Variants in XIST observed in about 807,000 individuals in gnomAD.
XIST encodes X inactive specific transcript, also known as X inactive specific transcript (non-protein coding).
chrX:73,823,448 A>G (rs1396581041), exon 6 of XIST: 7 of 512,659 alleles, frequency 1.4e-5, no homozygotes, highest in African/African-American at 4.7e-5. Flanking sequence ...ATGTTCTTCT[A>G]TCTTCAGCTG....
exon 1 of XIST, chrX:73,852,004 G>C (rs1294563627): frequency 1.8e-6 from 1 of 555,877 alleles, no homozygotes; most frequent in Non-Finnish European, 3.2e-6. Context: ...AGCACCGATG[G>C]GCGATGAAAA....
rs1248552997 is a variant in XIST, at chrX:73,849,294, G to A, written n.3430C>T. The A allele has an allele frequency of 5.4e-6, 3 of 557,505 alleles. No homozygotes were observed. The African/African-American group carries it at 6.7e-5, about 12-fold the overall frequency. The allele number at this position is 557,505 out of a possible 1,213,427, so 45.9% of individuals were successfully genotyped here. A position where few individuals can be genotyped will look rare whatever the true frequency, so the allele number is the denominator to read the frequency against. Reference sequence around the variant, plus strand: ...GCAAAGCTATGACAATTGGGACTGAGCATTTTAACTGTCCAACAAAAGACG... The same window carrying A: ...GCAAAGCTATGACAATTGGGACTGAACATTTTAACTGTCCAACAAAAGACG... On this transcript the variant is annotated non_coding_transcript_exon_variant, in exon 1 of 6. Coordinates refer to ENST00000429829, the Ensembl canonical transcript of XIST.
intron 4 of XIST, among the ~76,000 whole-genome samples, chrX:73,830,770 G>C (rs1266594416): frequency 1.8e-5 from 2 of 111,825 alleles, no homozygotes; most frequent in Non-Finnish European, 3.8e-5. Flanking sequence ...TGTCACTGAT[G>C]TGACAGTTGT....
exon 1 of XIST, chrX:73,842,134 T>C (rs1239375110): frequency 3.8e-6 from 2 of 521,983 alleles, no homozygotes; most frequent in East Asian, 3.5e-5. Context: ...ATGACCAGGT[T>C]ATCGAGTCCA....
exon 1 of XIST, chrX:73,844,517 G>A: frequency 1.8e-6 from 1 of 559,179 alleles, no homozygotes; most frequent in Non-Finnish European, 3.2e-6. Flanking sequence ...GCCATGTGCA[G>A]TTATGCACAT....
chrX:73,843,242 G>T, exon 1 of XIST: 1 of 558,714 alleles, frequency 1.8e-6, no homozygotes, highest in Non-Finnish European at 3.2e-6. Context: ...TCTACCAGAA[G>T]GAGACATATA....
At chrX:73,831,377 T>C (rs149944307) in intron 3 of XIST, 580 of 429,993 alleles carry the variant, frequency 1.3e-3, no homozygotes, top group Non-Finnish European at 2.0e-3. Context: ...TACCCTTTTC[T>C]TCATGTGGAT....
In XIST at chrX:73,848,049, G is replaced by A. The variant is rs770001096; in HGVS notation, n.4675C>T. 3 of 557,695 alleles carry A rather than the reference G, an allele frequency of 5.4e-6. No homozygotes were observed. In the African/African-American group the frequency reaches 6.7e-5, roughly 12 times the overall value. 46.0% of individuals were successfully genotyped at this position (557,695 alleles called of 1,213,427 possible). On this transcript the variant is annotated non_coding_transcript_exon_variant, in exon 1 of 6. Coordinates refer to ENST00000429829, the Ensembl canonical transcript of XIST. The stretch of plus-strand genomic sequence containing the variant: ...ACTAGGGAAGTGAGTGGGGTCTTTA[G>A]TGCACAGGAAGAGGGACAAATGCAA...
At chrX:73,843,460 T>C (rs1451724968) in exon 1 of XIST, 5 of 556,324 alleles carry the variant, frequency 9.0e-6, no homozygotes, top group South Asian at 2.2e-5. Context: ...ATAGGGTCTT[T>C]TTCTCCTACA....
exon 1 of XIST, chrX:73,850,636 G>A (rs778579416): frequency 2.6e-5 from 13 of 507,725 alleles, no homozygotes; most frequent in Non-Finnish European, 4.2e-5. Context: ...CACCAAGCAG[G>A]CCTGGAGCAC....
At chrX:73,849,321 G>C in exon 1 of XIST, 2 of 559,024 alleles carry the variant, frequency 3.6e-6, no homozygotes, top group Non-Finnish European at 6.5e-6. Flanking sequence ...CAAAAGACGG[G>C]TTGTCTGCGA....
chrX:73,848,581 C>T, exon 1 of XIST: 1 of 557,653 alleles, frequency 1.8e-6, no homozygotes, highest in South Asian at 2.2e-5. Context: ...GATACAGAGT[C>T]CCTTTCTAAT....
chrX:73,823,868 T>C (rs1569511528), exon 6 of XIST: 1 of 558,580 alleles, frequency 1.8e-6, no homozygotes, highest in Admixed American at 2.2e-5. Flanking sequence ...GTGAGCACTC[T>C]ATAATGATAA....
chrX:73,837,448 G>A (rs894613211), exon 2 of XIST: 1 of 500,428 alleles, frequency 2.0e-6, no homozygotes, highest in Non-Finnish European at 3.6e-6. Flanking sequence ...ACCAAGAGGA[G>A]CCTAAGGAGA....
At chrX:73,827,888 A>T (rs1483642890) in exon 6 of XIST, 1 of 529,339 alleles carries the variant, frequency 1.9e-6, no homozygotes, top group East Asian at 3.4e-5. Context: ...GGCACACACG[A>T]AAGAAATTAG....
chrX:73,849,855 G>T (rs1236683748), exon 1 of XIST: 4 of 154,737 alleles, frequency 2.6e-5, no homozygotes, highest in South Asian at 1.6e-4. Flanking sequence ...GGGCTGGGGG[G>T]TTAGGGGACT....
chrX:73,846,461 C>G (rs1232043002), exon 1 of XIST: 1 of 556,991 alleles, frequency 1.8e-6, no homozygotes. Context: ...TCACACACAA[C>G]ATGCCAAGAA....
In XIST at chrX:73,821,799, T is replaced by C. The variant is rs1314324948; in HGVS notation, n.18102A>G. 7.7e-6 allele frequency: 4 copies of C among 516,733 alleles called. 1 individual carries two copies. The Admixed American group carries it at 1.1e-4, about 14-fold the overall frequency. 42.6% of individuals were successfully genotyped at this position (516,733 alleles called of 1,213,427 possible). On this transcript the variant is annotated non_coding_transcript_exon_variant, in exon 6 of 6. Transcript: ENST00000429829. ...CAATTTTGGCCAATTATTTCCAATT[T>C]TTATTTTATTCTTAAAACTTAAGCA... is the stretch of plus-strand genomic sequence containing the variant.
intron 1 of XIST, chrX:73,841,297 C>T: frequency 2.5e-6 from 1 of 402,565 alleles, no homozygotes; most frequent in Non-Finnish European, 4.3e-6. Context: ...CTTACTGGAC[C>T]CTCTGACTTT....
Sources: allele counts gnomAD v4.1 joint callset (sites outside exome capture counted in the v4.1 genomes callset), GRCh38; gene constraint gnomAD v4.1.1; transcripts MANE v1.5; gene names NCBI Gene and HGNC (gene_info 2026-07-23, HGNC 2026-07-21).